The following KIAA0753 variants were observed in gnomAD, a reference collection of about 807,000 sequenced individuals.
KIAA0753 encodes protein moonraker.
Under a neutral mutation model 116.9 loss-of-function variants are expected in KIAA0753, and 114 were observed. The ratio of observed to expected loss-of-function variants is 0.98; its 90% CI spans 0.84 to 1.14. The LOEUF is 1.14. KIAA0753 is among the 50% of genes most tolerant of loss of function. The pLI is 0.00. For missense variants in KIAA0753, 1,156 were observed against 1,172.4 expected, an observed-to-expected ratio of 0.99 and a Z score of 0.20; for synonymous variants, 405 against 413.1, an observed-to-expected ratio of 0.98 and a Z score of 0.24.
intron 7 of KIAA0753, among the ~76,000 whole-genome samples, chr17:6,616,565 C>T (rs1007706733): frequency 6.6e-6 from 1 of 152,194 alleles, no homozygotes; most frequent in African/African-American, 2.4e-5. Context: ...TGGCTCACAC[C>T]TGTAATCCCA....
chr17:6,590,105 T>C, intron 17 of KIAA0753, 102 bp from the exon 18 acceptor site: 2 of 944,164 alleles, frequency 2.1e-6, no homozygotes, highest in Admixed American at 6.0e-5. Context: ...CTCATCTTGA[T>C]TTCTCTTTCT....
chr17:6,583,349 T>C (rs1485520847), intron 18 of KIAA0753, among the ~76,000 whole-genome samples: 1 of 152,110 alleles, frequency 6.6e-6, no homozygotes, highest in Non-Finnish European at 1.5e-5. Context: ...TTATTTTCCT[T>C]GCTTGGGGTT....
At chr17:6,631,847 G>A (rs1168492044) in intron 2 of KIAA0753, among the ~76,000 whole-genome samples, 10 of 152,056 alleles carry the variant, frequency 6.6e-5, no homozygotes, top group Admixed American at 5.9e-4. Context: ...TAATTCCAGG[G>A]CCAGGACAAA....
rs751624979 is a variant in KIAA0753, at chr17:6,612,074, T to TATCC, written c.1386_1389dup (p.Ile464GlyfsTer37). On this transcript the variant is annotated frameshift_variant, in exon 8 of 19. Coordinates refer to ENST00000361413, the MANE Select transcript of KIAA0753 (RefSeq NM_014804.3). LOFTEE classifies it high-confidence loss of function. ...ATAAATGGTCCTTCTTCCAGAACTA[T>TATCC]ATCCGCATCTAATACATCAAGCTCA... 7.4e-6 allele frequency: 12 copies of TATCC among 1,614,194 alleles called. No individual in the cohort carries two copies. Among genetic ancestry groups the TATCC allele is most frequent in the Non-Finnish European group, 5.9e-6 (7 of 1,179,984 alleles).
Position 6,628,505 on chromosome 17 carries a change from T to G in KIAA0753, c.330A>C (p.Arg110=), listed in dbSNP as rs1465087528. The G allele has an allele frequency of 6.2e-7, 1 of 1,614,258 alleles. No individual in the cohort carries two copies. Among genetic ancestry groups the G allele is most frequent in the Non-Finnish European group, 8.5e-7 (1 of 1,180,046 alleles). The change falls in exon 3 of 19, where the codon CGA becomes CGC. Residue 110 remains arginine (R), a synonymous_variant. Transcript: ENST00000361413. ...AVHLARRDVK[R]RQFEKHIKEH... Reference sequence around the variant, plus strand: ...CTTTTATATGTTTTTCAAATTGTCTTCGTTTCACATCTCTTCTGGCTAGGT... The same window carrying G: ...CTTTTATATGTTTTTCAAATTGTCTGCGTTTCACATCTCTTCTGGCTAGGT...
chr17:6,617,390 C>T (rs1351045199), intron 7 of KIAA0753, among the ~76,000 whole-genome samples: 1 of 152,092 alleles, frequency 6.6e-6, no homozygotes, highest in Non-Finnish European at 1.5e-5. Context: ...AGCGAACATC[C>T]CATTAAAGTG....
At chr17:6,634,095 CTTTTT>C (rs59023654) in intron 2 of KIAA0753, among the ~76,000 whole-genome samples, 2 of 130,176 alleles carry the variant, frequency 1.5e-5, no homozygotes, top group Non-Finnish European at 3.3e-5. Flanking sequence ...AGGGTGAATT[CTTTTT>C]TTTTTTTTTT....
intron 12 of KIAA0753, among the ~76,000 whole-genome samples, chr17:6,606,003 C>T (rs1442700146): frequency 6.6e-6 from 1 of 152,110 alleles, no homozygotes; most frequent in African/African-American, 2.4e-5. Flanking sequence ...GAGGTCACAC[C>T]TTCTTAGCTA....
chr17:6,629,492 T>C (rs905779602), intron 2 of KIAA0753, among the ~76,000 whole-genome samples: 1 of 152,338 alleles, frequency 6.6e-6, no homozygotes, highest in African/African-American at 2.4e-5. Context: ...AATGTCTCCA[T>C]GCATTTAGTT....
At position 6,595,614 on chromosome 17, in the gene KIAA0753, C is replaced by A. The variant is rs143489295; in HGVS notation, c.2358+544G>T. 1.3e-3 allele frequency among the ~76,000 whole-genome samples: 200 copies of A among 152,368 alleles called. 3 individuals carry two copies. The highest frequency in any genetic ancestry group is 4.4e-3 in the African/African-American group (185 of 41,582). On this transcript the variant is annotated intron_variant, in intron 15 of 18. Coordinates refer to ENST00000361413, the MANE Select transcript of KIAA0753 (RefSeq NM_014804.3). Reference sequence around the variant, plus strand: ...GAGTCAGGAGACCTGGATTCTCGTTCTGGCTCTGCCAGGATTTTTTTGTGA... The same window carrying A: ...GAGTCAGGAGACCTGGATTCTCGTTATGGCTCTGCCAGGATTTTTTTGTGA...
At chr17:6,614,970 T>C (rs1970785705) in intron 7 of KIAA0753, among the ~76,000 whole-genome samples, 1 of 152,178 alleles carries the variant, frequency 6.6e-6, no homozygotes, top group South Asian at 2.1e-4. Context: ...AGCTAATTTT[T>C]GTATTTTTAG....
chr17:6,598,730 T>C (rs1969648287), intron 14 of KIAA0753, among the ~76,000 whole-genome samples: 1 of 152,170 alleles, frequency 6.6e-6, no homozygotes, highest in Non-Finnish European at 1.5e-5. Context: ...AACAAGAAAA[T>C]GTGCTTTTAT....
At chr17:6,638,285 A>G (rs1460279193) in intron 1 of KIAA0753, 2 of 152,696 alleles carry the variant, frequency 1.3e-5, no homozygotes, top group Non-Finnish European at 2.9e-5. Context: ...GAAGCCACAG[A>G]TATTCTGGCA....
At chr17:6,606,263 C>G (rs1847350799) in intron 12 of KIAA0753, among the ~76,000 whole-genome samples, 1 of 152,188 alleles carries the variant, frequency 6.6e-6, no homozygotes, top group African/African-American at 2.4e-5. Context: ...AACACTCCAT[C>G]ATGAATGGTG....
intron 7 of KIAA0753, among the ~76,000 whole-genome samples, chr17:6,620,433 T>TATAC (rs987324750): frequency 6.7e-6 from 1 of 150,198 alleles, no homozygotes; most frequent in African/African-American, 2.4e-5. Context: ...TATATATATA[T>TATAC]ACACATATAT....
At chr17:6,615,635 A>C (rs1970866925) in intron 7 of KIAA0753, among the ~76,000 whole-genome samples, 1 of 151,556 alleles carries the variant, frequency 6.6e-6, no homozygotes, top group African/African-American at 2.4e-5. Flanking sequence ...AAAAAAAAAA[A>C]AAAAAAACCT....
At chr17:6,580,641 A>C (rs1186029815) in intron 18 of KIAA0753, among the ~76,000 whole-genome samples, 1 of 152,186 alleles carries the variant, frequency 6.6e-6, no homozygotes, top group Non-Finnish European at 1.5e-5. Flanking sequence ...AAGAAAAACA[A>C]GGTGAGAGGC....
intron 3 of KIAA0753, among the ~76,000 whole-genome samples, chr17:6,626,796 C>T (rs1233931349): frequency 1.3e-5 from 2 of 152,276 alleles, no homozygotes; most frequent in East Asian, 3.9e-4. Context: ...ATTGAAAATT[C>T]ATGTAAATAA....
At chr17:6,588,386 C>T (rs142454669) in intron 18 of KIAA0753, among the ~76,000 whole-genome samples, 11 of 151,932 alleles carry the variant, frequency 7.2e-5, no homozygotes, top group African/African-American at 9.7e-5. Flanking sequence ...TACAGGGAGA[C>T]GTAAGCTAAC....
Sources: gnomAD v4.1 joint callset for allele counts (sites outside exome capture counted in the v4.1 genomes callset) on GRCh38, gnomAD v4.1.1 for gene constraint, MANE v1.5 for transcripts, NCBI Gene and HGNC (gene_info 2026-07-23, HGNC 2026-07-21) for gene names.